The following PCSK2 variants were observed in gnomAD, a reference collection of about 807,000 sequenced individuals.
PCSK2 encodes neuroendocrine convertase 2.
In PCSK2, 14 loss-of-function variants were observed where a neutral mutation model predicts 69.7. The ratio of observed to expected loss-of-function variants is 0.20; its 90% CI spans 0.13 to 0.31. The LOEUF is 0.31. Among genes scored for constraint, PCSK2 ranks in the 10% least tolerant of loss-of-function variants. The pLI, the probability that PCSK2 is intolerant of heterozygous loss-of-function variation, is 1.00. For missense variants in PCSK2, 544 were observed against 842.5 expected (o/e 0.65, Z 4.39); for synonymous variants, 307 against 320.7 (o/e 0.96, Z 0.46).
chr20:17,392,323 A>T (rs2031404005), intron 5 of PCSK2, among the ~76,000 whole-genome samples: 1 of 152,214 alleles, frequency 6.6e-6, no homozygotes, highest in Non-Finnish European at 1.5e-5. Flanking sequence ...TCTTTTGAAT[A>T]GGTCCCCTAA....
intron 2 of PCSK2, among the ~76,000 whole-genome samples, chr20:17,310,262 T>C (rs779954755): frequency 6.6e-6 from 1 of 152,154 alleles, no homozygotes; most frequent in Non-Finnish European, 1.5e-5. Flanking sequence ...CTAATTGGCT[T>C]AGAAATGCAA....
At chr20:17,474,539 C>T (rs1027325330) in intron 11 of PCSK2, among the ~76,000 whole-genome samples, 11 of 152,208 alleles carry the variant, frequency 7.2e-5, no homozygotes, top group Non-Finnish European at 1.3e-4. Flanking sequence ...CCTGGGCAAT[C>T]GGTGGCCTGT....
At chr20:17,410,446 G>A (rs2031844065) in intron 6 of PCSK2, among the ~76,000 whole-genome samples, 1 of 152,178 alleles carries the variant, frequency 6.6e-6, no homozygotes, top group African/African-American at 2.4e-5. Flanking sequence ...AGACCCCTCA[G>A]TCTCATCAAG....
At chr20:17,251,447 A>G (rs554349757) in intron 1 of PCSK2, among the ~76,000 whole-genome samples, 1 of 152,344 alleles carries the variant, frequency 6.6e-6, no homozygotes, top group South Asian at 2.1e-4. Context: ...ATTCACAGAA[A>G]AGACCCCTGG....
chr20:17,229,832 G>A (rs1211761543), intron 1 of PCSK2, among the ~76,000 whole-genome samples: 1 of 152,132 alleles, frequency 6.6e-6, no homozygotes, highest in Non-Finnish European at 1.5e-5. Flanking sequence ...ACAGACCACA[G>A]TGAGCTTTCC....
At chr20:17,472,546 T>C (rs922132098) in intron 11 of PCSK2, among the ~76,000 whole-genome samples, 3 of 152,200 alleles carry the variant, frequency 2.0e-5, no homozygotes, top group Non-Finnish European at 4.4e-5. Flanking sequence ...GATTATTCTA[T>C]CAAAACAATC....
chr20:17,241,749 T>C (rs1455624977), intron 1 of PCSK2, among the ~76,000 whole-genome samples: 1 of 152,174 alleles, frequency 6.6e-6, no homozygotes, highest in East Asian at 1.9e-4. Flanking sequence ...AACAATTAAA[T>C]GCACCTCCCC....
chr20:17,273,066 T>G (rs371067111), intron 2 of PCSK2, among the ~76,000 whole-genome samples: 19 of 152,108 alleles, frequency 1.2e-4, no homozygotes, highest in African/African-American at 4.1e-4. Context: ...CCAAAATCAA[T>G]GGGTAATTGT....
At chr20:17,462,897 TG>T (rs1339997392) in intron 10 of PCSK2, among the ~76,000 whole-genome samples, 1 of 152,232 alleles carries the variant, frequency 6.6e-6, no homozygotes, top group Non-Finnish European at 1.5e-5. Context: ...TGGGCTGCTA[TG>T]GTACAATTAA....
In PCSK2 at chr20:17,347,934, G is replaced by GAGAA. The variant is rs11469177; in HGVS notation, c.283-10369_283-10366dup. On this transcript the variant is annotated intron_variant, in intron 2 of 11. Coordinates refer to ENST00000262545, the MANE Select transcript of PCSK2 (RefSeq NM_002594.5). ...AAAGAAAGAAAGGAGAGAGAAAAAA[G>GAGAA]AGAAAGAAAGAAAGAAAGAAAGAAA... is the stretch of plus-strand genomic sequence containing the variant. Among the ~76,000 whole-genome samples, 174 of 49,404 alleles carry GAGAA rather than the reference G, an allele frequency of 3.5e-3. 6 individuals are homozygous for GAGAA. The highest frequency in any genetic ancestry group is 4.2e-3 in the Non-Finnish European group (107 of 25,262). The allele number at this position is 49,404 out of a possible 152,430, so 32.4% of individuals were successfully genotyped here. A position where few individuals can be genotyped will look rare whatever the true frequency, so the allele number is the denominator to read the frequency against.
At chr20:17,307,980 C>T (rs528825831) in intron 2 of PCSK2, among the ~76,000 whole-genome samples, 2 of 152,206 alleles carry the variant, frequency 1.3e-5, no homozygotes, top group East Asian at 1.9e-4. Context: ...GGAGAGCAGG[C>T]ATCTTCCATG....
chr20:17,229,600 T>C (rs1986071557), intron 1 of PCSK2, among the ~76,000 whole-genome samples: 1 of 151,970 alleles, frequency 6.6e-6, no homozygotes, highest in Non-Finnish European at 1.5e-5. Flanking sequence ...TGATTTTGCA[T>C]CACAACCTGA....
chr20:17,307,007 G>A (rs544844965), intron 2 of PCSK2, among the ~76,000 whole-genome samples: 2 of 152,280 alleles, frequency 1.3e-5, no homozygotes, highest in South Asian at 4.1e-4. Flanking sequence ...AAGGTGGAAT[G>A]ATATGTTAAT....
intron 6 of PCSK2, among the ~76,000 whole-genome samples, chr20:17,426,232 T>C (rs2032245983): frequency 6.6e-6 from 1 of 152,060 alleles, no homozygotes; most frequent in South Asian, 2.1e-4. Flanking sequence ...GATCTGATGG[T>C]TTTATAAGCA....
rs568380793 is a variant in PCSK2, at chr20:17,245,609, C to A, written c.178-14631C>A. Among the ~76,000 whole-genome samples, 3 of 152,300 alleles carry A rather than the reference C, an allele frequency of 2.0e-5. No individual in the cohort carries two copies. The South Asian group carries it at 6.2e-4, about 32-fold the overall frequency. ...CTACAGACCAAAGTAACAGAGAATG[C>A]TAGCCTCATCTGTAATTGATAGGAT... On this transcript the variant is annotated intron_variant, in intron 1 of 11. Transcript: ENST00000262545.
intron 6 of PCSK2, among the ~76,000 whole-genome samples, chr20:17,422,851 T>C (rs1437705960): frequency 1.3e-5 from 2 of 151,938 alleles, no homozygotes; most frequent in African/African-American, 4.8e-5. Context: ...CCCTAATATA[T>C]GATTAAGATA....
intron 8 of PCSK2, among the ~76,000 whole-genome samples, chr20:17,444,714 G>A (rs1385824278): frequency 6.6e-6 from 1 of 152,242 alleles, no homozygotes. Context: ...GACAGGGCCA[G>A]TTAAGGGTAT....
At chr20:17,427,129 G>T in intron 6 of PCSK2, among the ~76,000 whole-genome samples, 1 of 152,128 alleles carries the variant, frequency 6.6e-6, no homozygotes, top group East Asian at 1.9e-4. Flanking sequence ...TTAAAATGGG[G>T]ATAATAATAG....
intron 2 of PCSK2, among the ~76,000 whole-genome samples, chr20:17,300,895 C>A (rs1262907552): frequency 6.6e-6 from 1 of 152,156 alleles, no homozygotes; most frequent in African/African-American, 2.4e-5. Context: ...AATTATATTA[C>A]TCATAAAATA....
Sources: allele counts gnomAD v4.1 joint callset (sites outside exome capture counted in the v4.1 genomes callset), GRCh38; gene constraint gnomAD v4.1.1; transcripts MANE v1.5; gene names NCBI Gene and HGNC (gene_info 2026-07-23, HGNC 2026-07-21).